ABCA1: variants seen among roughly 807,000 people sequenced by gnomAD.
ABCA1 encodes ATP binding cassette subfamily A member 1.
In ABCA1, 133 loss-of-function variants were observed where a neutral mutation model predicts 262.5. That is an observed-to-expected ratio of 0.51 (90% CI 0.44 to 0.59). ABCA1 has a LOEUF of 0.59. Among genes scored for constraint, ABCA1 ranks in the 20% least tolerant of loss-of-function variants. ABCA1 has a pLI of 0.00. For missense variants in ABCA1, 2,452 were observed against 2,777.5 expected, an observed-to-expected ratio of 0.88 and a Z score of 2.63; for synonymous variants, 1,022 against 1,043.5, an observed-to-expected ratio of 0.98 and a Z score of 0.40.
chr9:104,792,689 C>T (rs1829529052), intron 42 of ABCA1, 97 bp downstream of exon 42: 1 of 1,522,576 alleles, frequency 6.6e-7, no homozygotes, highest in African/African-American at 1.4e-5. Flanking sequence ...TTTGGGAACA[C>T]ATGCCCTTTT....
intron 1 of ABCA1, among the ~76,000 whole-genome samples, chr9:104,923,756 G>A (rs1842273324): frequency 1.3e-5 from 2 of 152,364 alleles, no homozygotes; most frequent in South Asian, 4.1e-4. Context: ...ATTAGCATTT[G>A]ATGACCTGCA....
At chr9:104,892,731 A>G (rs1252707074) in intron 2 of ABCA1, among the ~76,000 whole-genome samples, 1 of 152,230 alleles carries the variant, frequency 6.6e-6, no homozygotes, top group Non-Finnish European at 1.5e-5. Flanking sequence ...AGCAATGTTA[A>G]CAATACGTAT....
chr9:104,847,905 G>A lies in ABCA1; in HGVS notation c.721-2336C>T, dbSNP rs1404166488. Among the ~76,000 whole-genome samples the A allele has an allele frequency of 7.2e-5, 11 of 152,132 alleles. No homozygotes were observed. The South Asian group carries it at 8.3e-4, about 11-fold the overall frequency. Reference sequence around the variant, plus strand: ...TATATGCATCCATGTATGTTTTTACGTATATGTCTATATGTATAGACATAC... The same window carrying A: ...TATATGCATCCATGTATGTTTTTACATATATGTCTATATGTATAGACATAC... On this transcript the variant is annotated intron_variant, in intron 7 of 49. Coordinates refer to ENST00000374736, the MANE Select transcript of ABCA1 (RefSeq NM_005502.4).
At chr9:104,830,534 C>G (rs1479950785) in intron 14 of ABCA1, among the ~76,000 whole-genome samples, 1 of 151,772 alleles carries the variant, frequency 6.6e-6, no homozygotes, top group Non-Finnish European at 1.5e-5. Context: ...TACTAAAATA[C>G]AAAAAGTCAG....
At position 104,845,084 on chromosome 9, in the gene ABCA1, G is replaced by A. The variant is rs182009826; in HGVS notation, c.813+393C>T. On this transcript the variant is annotated intron_variant, in intron 8 of 49. Coordinates refer to ENST00000374736, the MANE Select transcript of ABCA1 (RefSeq NM_005502.4). ...TATTCCTGTTAGTTAGCAAGCATGT[G>A]TGTTGGTAAAATGATTGGCCTTGCT... Among the ~76,000 whole-genome samples the A allele has an allele frequency of 5.4e-3, 827 of 152,346 alleles. 27 individuals are homozygous for A. Among genetic ancestry groups the A allele is most frequent in the Admixed American group, 0.046 (701 of 15,302 alleles).
intron 5 of ABCA1, among the ~76,000 whole-genome samples, chr9:104,875,129 T>C (rs1016396627): frequency 6.6e-6 from 1 of 151,788 alleles, no homozygotes; most frequent in Non-Finnish European, 1.5e-5. Context: ...GGAGATTCCA[T>C]TTTGTTCTGT....
In ABCA1 at chr9:104,858,713, T is replaced by C. The variant is rs1171747921; in HGVS notation, c.544-15A>G. 6.2e-7 allele frequency: 1 copy of C among 1,614,016 alleles called. No individual in the cohort carries two copies. Among genetic ancestry groups the C allele is most frequent in the Non-Finnish European group, 8.5e-7 (1 of 1,179,938 alleles). ...TGCAAAAATACCTGGAAGCATTTCA[T>C]GCAAAGAGAGACAAGCACAAGAGGA... is the stretch of plus-strand genomic sequence containing the variant. On this transcript the variant is annotated splice_polypyrimidine_tract_variant and intron_variant, in intron 6 of 49. Transcript: ENST00000374736.
chr9:104,802,536 C>T (rs772814760), intron 33 of ABCA1, among the ~76,000 whole-genome samples: 12 of 152,146 alleles, frequency 7.9e-5, no homozygotes, highest in Admixed American at 4.6e-4. Flanking sequence ...GAGTAGGCTG[C>T]GCTGGCCTTA....
Position 104,811,067 on chromosome 9 carries a change from T to A in ABCA1, c.4051-143A>T. 8 of 1,264,674 alleles carry A rather than the reference T, an allele frequency of 6.3e-6. No homozygotes were observed. The South Asian group carries it at 1.1e-4, about 17-fold the overall frequency. 78.3% of individuals were successfully genotyped at this position (1,264,674 alleles called of 1,614,324 possible). A position where few individuals can be genotyped will look rare whatever the true frequency, so the allele number is the denominator to read the frequency against. ...ATGAGGAATGCAGGGCCTATGACTGTGCTGCACCAAGGCATTCTTGGCAGC... is the reference window on the plus strand; with the variant it reads ...ATGAGGAATGCAGGGCCTATGACTGAGCTGCACCAAGGCATTCTTGGCAGC... On this transcript the variant is annotated intron_variant, in intron 28 of 49. Coordinates refer to ENST00000374736, the MANE Select transcript of ABCA1 (RefSeq NM_005502.4).
At chr9:104,904,811 T>G (rs1840975217) in intron 1 of ABCA1, among the ~76,000 whole-genome samples, 2 of 152,140 alleles carry the variant, frequency 1.3e-5, no homozygotes, top group Admixed American at 1.3e-4. Flanking sequence ...TCAGCACATA[T>G]GCACACTTCT....
At chr9:104,841,320 A>T (rs1312632817) in intron 8 of ABCA1, among the ~76,000 whole-genome samples, 2 of 151,998 alleles carry the variant, frequency 1.3e-5, no homozygotes, top group East Asian at 3.9e-4. Context: ...GGTGCCTGTA[A>T]TCCCAGCTAC....
At chr9:104,854,985 G>A (rs944363373) in intron 7 of ABCA1, among the ~76,000 whole-genome samples, 3 of 152,176 alleles carry the variant, frequency 2.0e-5, no homozygotes, top group African/African-American at 7.2e-5. Flanking sequence ...AATGGAAACT[G>A]CTCTTAACCC....
chr9:104,832,614 T>C lies in ABCA1; in HGVS notation c.1469A>G (p.Glu490Gly). ...SVYTWREAFN[E>G]TNQAIRTISR... ...TATGGTCCGGATTGCCTGGTTAGTC[T>C]CGTTGAAAGCTTCTCTCCAGGTGTA... Residue 490 changes from glutamate (E) to glycine (G), a missense_variant, in exon 12 of 50, where the codon GAG (glutamate) becomes GGG (glycine). By Grantham distance (98) the Glu-to-Gly change is moderately conservative. Around this residue, in one of 4 missense-constraint regions of ABCA1, gnomAD observed 1,032 missense variants for 1,089.7 expected, o/e 0.95. Coordinates refer to ENST00000374736, the MANE Select transcript of ABCA1 (RefSeq NM_005502.4). The C allele has an allele frequency of 6.2e-7, 1 of 1,614,216 alleles. No homozygotes were observed. Among genetic ancestry groups the C allele is most frequent in the Non-Finnish European group, 8.5e-7 (1 of 1,180,034 alleles).
chr9:104,899,150 GA>G (rs1212691053), intron 2 of ABCA1, among the ~76,000 whole-genome samples: 1 of 152,162 alleles, frequency 6.6e-6, no homozygotes, highest in African/African-American at 2.4e-5. Flanking sequence ...CCGTAGAAGA[GA>G]AAACTAAAGC....
intron 1 of ABCA1, among the ~76,000 whole-genome samples, chr9:104,922,251 G>C (rs112872078): frequency 0.014 from 2,192 of 152,314 alleles, 20 homozygotes; most frequent in Non-Finnish European, 0.022. Flanking sequence ...CTGGCCTCAA[G>C]TATTTCTAAA....
intron 24 of ABCA1, 151 bp from the exon 25 acceptor site, chr9:104,816,496 T>C: frequency 1.3e-6 from 1 of 780,224 alleles, no homozygotes. Flanking sequence ...TCATCTCTGG[T>C]CTGAGGGTTG....
chr9:104,838,392 G>A (rs780708999), intron 9 of ABCA1, among the ~76,000 whole-genome samples: 1 of 150,960 alleles, frequency 6.6e-6, no homozygotes, highest in African/African-American at 2.4e-5. Flanking sequence ...GGCGGATCAC[G>A]AGGTCAGGAG....
intron 34 of ABCA1, among the ~76,000 whole-genome samples, chr9:104,801,043 T>TA (rs60436263): frequency 1.4e-5 from 2 of 147,202 alleles, no homozygotes; most frequent in South Asian, 4.3e-4. Context: ...AATTCTCACC[T>TA]AAAAATGGGA....
chr9:104,884,676 C>T lies in ABCA1; in HGVS notation c.161-108G>A, dbSNP rs889525854. ...TCATGCCAAGTCTGTCCGTCCCATT[C>T]CCCACATCCCAGAGACCTGTCTCTT... is the stretch of plus-strand genomic sequence containing the variant. On this transcript the variant is annotated intron_variant, in intron 3 of 49. Transcript: ENST00000374736. The T allele has an allele frequency of 6.1e-6, 8 of 1,307,238 alleles. No homozygotes were observed. The East Asian group carries it at 1.9e-4, about 30-fold the overall frequency. 81.0% of individuals were successfully genotyped at this position (1,307,238 alleles called of 1,614,324 possible). A position where few individuals can be genotyped will look rare whatever the true frequency, so the allele number is the denominator to read the frequency against.
Sources: gnomAD v4.1 joint callset for allele counts (sites outside exome capture counted in the v4.1 genomes callset) on GRCh38, gnomAD v4.1.1 for gene constraint, gnomAD v4.1.1 regional missense constraint, MANE v1.5 for transcripts, NCBI Gene and HGNC (gene_info 2026-07-23, HGNC 2026-07-21) for gene names.